MYH4: variants seen among roughly 807,000 people sequenced by gnomAD.
MYH4 encodes the protein myosin-4.
MYH4 carries 200 observed loss-of-function variants against 229.9 expected under a neutral mutation model. That is an observed-to-expected ratio of 0.87 (90% confidence interval 0.78 to 0.98). MYH4 has a LOEUF of 0.98. MYH4 is among the 50% of genes least tolerant of loss of function. The pLI, the probability that MYH4 is intolerant of heterozygous loss-of-function variation, is 0.00. For synonymous variants in MYH4, 761 were observed against 834.6 expected (o/e 0.91, Z 1.52); for missense variants, 2,148 against 2,332.6 (o/e 0.92, Z 1.63).
At chr17:10,452,755 A>G (rs2072592206) in intron 25 of MYH4, 32 bp downstream of exon 25, 1 of 1,570,340 alleles carries the variant, frequency 6.4e-7, no homozygotes, top group Non-Finnish European at 8.6e-7. Flanking sequence ...ACATACAACA[A>G]GCAGGTTATA....
In MYH4 at chr17:10,450,668, A is replaced by G. The variant is rs117387314; in HGVS notation, c.3985-19T>C. 0.012 allele frequency: 19,079 copies of G among 1,613,268 alleles called. 207 individuals are homozygous for G. The highest frequency in any genetic ancestry group is 0.016 in the South Asian group (1,439 of 90,998). ...TCTTGGCCTAGACCAACCAAAAACTATGTGATATAAGTTTATCTTCTGATC... is the reference window on the plus strand; with the variant it reads ...TCTTGGCCTAGACCAACCAAAAACTGTGTGATATAAGTTTATCTTCTGATC... On this transcript the variant is annotated intron_variant, in intron 29 of 39. Coordinates refer to ENST00000255381, the MANE Select transcript of MYH4 (RefSeq NM_017533.2).
chr17:10,449,141 A>T, intron 30 of MYH4, 94 bp from the exon 31 acceptor site: 1 of 1,060,812 alleles, frequency 9.4e-7, no homozygotes, highest in African/African-American at 1.6e-5. Context: ...ATATTTCCCC[A>T]AGAGTTGTCT....
Position 10,448,395 on chromosome 17 carries a change from C to G in MYH4, c.4656+1G>C. 6.2e-7 allele frequency: 1 copy of G among 1,607,960 alleles called. No individual in the cohort carries two copies. The highest frequency in any genetic ancestry group is 8.5e-7 in the Non-Finnish European group (1 of 1,178,374). On this transcript the variant is annotated splice_donor_variant, in intron 33 of 39. Transcript: ENST00000255381. LOFTEE classifies it high-confidence loss of function. ...CAGAGCTAAGCAAATGAAAAATGTA[C>G]CTCTGCTTCCTCTAGGGAAGTCTGT...
At chr17:10,457,842 A>C in intron 15 of MYH4, 113 bp from the exon 16 acceptor site, 5 of 1,353,280 alleles carry the variant, frequency 3.7e-6, no homozygotes, top group Non-Finnish European at 5.0e-6. Flanking sequence ...TGAATGATAA[A>C]TTAAATAGGC....
Position 10,452,780 on chromosome 17 carries a change from T to A in MYH4, c.3257+7A>T, listed in dbSNP as rs773667447. 6.3e-7 allele frequency: 1 copy of A among 1,599,996 alleles called. No homozygotes were observed. Among genetic ancestry groups the A allele is most frequent in the African/African-American group, 1.4e-5 (1 of 73,852 alleles). ...AGCAGGTTATAGCTGAATTATACCA[T>A]ACTTACTTTTTGAGTTTCTCATTAA... On this transcript the variant is annotated splice_region_variant and intron_variant, in intron 25 of 39. Transcript: ENST00000255381.
chr17:10,445,887 G>C lies in MYH4; in HGVS notation c.5170-525C>G, dbSNP rs1222390372. ...ACTAAAAATACAAAAAATTAGTCGA[G>C]TGTGGTGGTGGGCGCCTGTAGTCCC... On this transcript the variant is annotated intron_variant, in intron 35 of 39. Coordinates refer to ENST00000255381, the MANE Select transcript of MYH4 (RefSeq NM_017533.2). Among the ~76,000 whole-genome samples, 10 of 152,028 alleles carry C rather than the reference G, an allele frequency of 6.6e-5. No homozygotes were observed. The East Asian group carries it at 1.7e-3, about 27-fold the overall frequency.
At chr17:10,461,206 C>G in intron 11 of MYH4, 152 bp from the exon 12 acceptor site, 1 of 838,078 alleles carries the variant, frequency 1.2e-6, no homozygotes, top group East Asian at 2.5e-5. Flanking sequence ...TATGCTTTAC[C>G]TTTTGATCCA....
At position 10,457,493 on chromosome 17, in the gene MYH4, C is replaced by A; in HGVS notation, c.1824G>T (p.Val608=). ...DKNKDPLNET[V]VGLYQKSAMK... ...TTGCAGACTTCTGGTACAGCCCCAC[C>A]ACAGTCTCATTCAGGGGGTCCTTGT... Residue 608 remains valine, a synonymous_variant, in exon 16 of 40, where the codon GTG becomes GTT. Transcript: ENST00000255381. The A allele has an allele frequency of 6.2e-7, 1 of 1,614,200 alleles. No individual in the cohort carries two copies. Among genetic ancestry groups the A allele is most frequent in the Non-Finnish European group, 8.5e-7 (1 of 1,180,026 alleles).
At chr17:10,466,882 C>T (rs888973498) in intron 2 of MYH4, 98 bp from the exon 3 acceptor site, 1 of 1,112,454 alleles carries the variant, frequency 9.0e-7, no homozygotes, top group African/African-American at 1.6e-5. Flanking sequence ...ATGCTTGTTT[C>T]CTCACCCCTG....
Position 10,456,542 on chromosome 17 carries a change from TCCA to T in MYH4, c.1908_1910del (p.Gly637del). 1 of 1,613,980 alleles carries T rather than the reference TCCA, an allele frequency of 6.2e-7. No homozygotes were observed. The highest frequency in any genetic ancestry group is 8.5e-7 in the Non-Finnish European group (1 of 1,179,926). Reference sequence around the variant, plus strand: ...AACCCTTCTTTTTGCCACCTTTCTTTCCACCACCACCCTCTAAAAAACAAAATG... The same window carrying T: ...AACCCTTCTTTTTGCCACCTTTCTTTCCACCACCCTCTAAAAAACAAAATG... On this transcript the variant is annotated inframe_deletion, in exon 17 of 40. Coordinates refer to ENST00000255381, the MANE Select transcript of MYH4 (RefSeq NM_017533.2).
chr17:10,456,222 A>G (rs2072636703), intron 17 of MYH4, among the ~76,000 whole-genome samples: 1 of 152,204 alleles, frequency 6.6e-6, no homozygotes, highest in Non-Finnish European at 1.5e-5. Context: ...TTTGTACAAT[A>G]CCAGATCTCT....
chr17:10,466,446 T>C, intron 3 of MYH4, 30 bp from the exon 4 acceptor site: 1 of 1,612,690 alleles, frequency 6.2e-7, no homozygotes, highest in South Asian at 1.1e-5. Context: ...CAAGTGCATA[T>C]CAAATAAGTA....
chr17:10,453,446 C>G (rs2072600948), intron 23 of MYH4, 118 bp from the exon 24 acceptor site: 2 of 1,575,418 alleles, frequency 1.3e-6, no homozygotes, highest in African/African-American at 1.4e-5. Context: ...GAACCAGGAG[C>G]TAACCCAGGC....
chr17:10,446,962 T>G, intron 35 of MYH4, 51 bp downstream of exon 35: 3 of 1,545,442 alleles, frequency 1.9e-6, no homozygotes, highest in African/African-American at 1.4e-5. Flanking sequence ...CTTCTCAAAT[T>G]ATCTTCAGCT....
chr17:10,459,402 A>G lies in MYH4; in HGVS notation c.1436T>C (p.Leu479Pro). The G allele has an allele frequency of 6.2e-7, 1 of 1,614,196 alleles. No homozygotes were observed. The highest frequency in any genetic ancestry group is 8.5e-7 in the Non-Finnish European group (1 of 1,180,030). The stretch of plus-strand genomic sequence containing the variant: ...TTTCTCGTTGGTGAAGTTGATGCAC[A>G]GCTGCTCCAGGCTGTTGAACTACAG... ...EIFDFNSLEQ[L>P]CINFTNEKLQ... The change falls in exon 15 of 40, where the codon CTG becomes CCG. Residue 479 changes from leucine (L) to proline (P), a missense_variant. Physicochemically the swap from Leu to Pro is moderately conservative, Grantham distance 98 (BLOSUM62 -3). Transcript: ENST00000255381.
In MYH4 at chr17:10,452,415, C is replaced by A. The variant is rs148952071; in HGVS notation, c.3348+1G>T. The A allele has an allele frequency of 3.9e-4, 635 of 1,614,094 alleles. 1 individual carries two copies. Among genetic ancestry groups the A allele is most frequent in the Non-Finnish European group, 5.0e-4 (595 of 1,179,988 alleles). Reference sequence around the variant, plus strand: ...CAGAAAAGGTGGAGGTTATAACTTACCTGTAATTCTTTGATCTTCTTTTGT... The same window carrying A: ...CAGAAAAGGTGGAGGTTATAACTTAACTGTAATTCTTTGATCTTCTTTTGT... On this transcript the variant is annotated splice_donor_variant, in intron 26 of 39. Coordinates refer to ENST00000255381, the MANE Select transcript of MYH4 (RefSeq NM_017533.2). LOFTEE classifies it high-confidence loss of function.
At chr17:10,455,321 A>C (rs958720087) in intron 19 of MYH4, 26 bp from the exon 20 acceptor site, 5 of 1,595,236 alleles carry the variant, frequency 3.1e-6, no homozygotes, top group African/African-American at 1.4e-5. Flanking sequence ...GAATATAAAA[A>C]TGTGGTTTTT....
chr17:10,450,515 G>A lies in MYH4; in HGVS notation c.4119C>T (p.Ala1373=). Residue 1373 remains alanine, a synonymous_variant, in exon 30 of 40, where the codon GCC becomes GCT. Transcript: ENST00000255381. Reference sequence around the variant, plus strand: ...CCGTCTCGTACTTGGTCCTCCACTGGGCAACCTCACTGTTGGCCTTGGACA... The same window carrying A: ...CCGTCTCGTACTTGGTCCTCCACTGAGCAACCTCACTGTTGGCCTTGGACA... ...RGMSKANSEV[A]QWRTKYETDA... 1 of 1,614,004 alleles carries A rather than the reference G, an allele frequency of 6.2e-7. No homozygotes were observed. Among genetic ancestry groups the A allele is most frequent in the Non-Finnish European group, 8.5e-7 (1 of 1,179,958 alleles).
At chr17:10,444,752 T>C (rs1567697317) in intron 38 of MYH4, 43 bp downstream of exon 38, 1 of 1,612,842 alleles carries the variant, frequency 6.2e-7, no homozygotes, top group Non-Finnish European at 8.5e-7. Flanking sequence ...CTCATGATTT[T>C]CTTGAAAACT....
Sources: allele counts gnomAD v4.1 joint callset (sites outside exome capture counted in the v4.1 genomes callset), GRCh38; gene constraint gnomAD v4.1.1; transcripts MANE v1.5; gene names NCBI Gene and HGNC (gene_info 2026-07-23, HGNC 2026-07-21).